The following JAKMIP1 variants were observed in gnomAD, a reference collection of about 807,000 sequenced individuals.
JAKMIP1 encodes the protein janus kinase and microtubule-interacting protein 1.
A neutral mutation model predicts 113.0 loss-of-function variants in JAKMIP1; 33 were observed. The ratio of observed to expected loss-of-function variants is 0.29; its 90% CI spans 0.22 to 0.39. JAKMIP1 has a LOEUF of 0.39. Among genes scored for constraint, JAKMIP1 ranks in the 10% least tolerant of loss-of-function variants. The pLI, the probability that JAKMIP1 is intolerant of heterozygous loss-of-function variation, is 1.00. For missense variants in JAKMIP1, 813 were observed against 1,080.5 expected (o/e 0.75, Z 3.47); for synonymous variants, 480 against 459.9 (o/e 1.04, Z -0.56).
intron 5 of JAKMIP1, among the ~76,000 whole-genome samples, chr4:6,084,642 A>G (rs1167825616): frequency 6.6e-6 from 1 of 152,168 alleles, no homozygotes; most frequent in Non-Finnish European, 1.5e-5. Flanking sequence ...TTGTTTGCTA[A>G]AGATAAGTTC....
rs1717028938 is a variant in JAKMIP1, at chr4:6,059,947, C to T, written c.1644+477G>A. Among the ~76,000 whole-genome samples, 1 of 152,118 alleles carries T rather than the reference C, an allele frequency of 6.6e-6. No individual in the cohort carries two copies. The highest frequency in any genetic ancestry group is 2.1e-4 in the South Asian group (1 of 4,828). On this transcript the variant is annotated intron_variant, in intron 11 of 20. Transcript: ENST00000409021. The surrounding 1 kb of genome is among the most constrained non-coding windows in gnomAD (Gnocchi z 4.8). ...TCAACCAGCCTTGCCTAATCAAATG[C>T]AGTGGATGGGTAGGTGCAGTTGACT...
chr4:6,035,143 C>G (rs983238057), intron 19 of JAKMIP1, among the ~76,000 whole-genome samples: 1 of 152,144 alleles, frequency 6.6e-6, no homozygotes, highest in Non-Finnish European at 1.5e-5. Context: ...CTCTTTCTCT[C>G]TCTCTCTGCC....
In JAKMIP1 at chr4:6,067,067, G is replaced by A. The variant is rs116382592; in HGVS notation, c.1303-2059C>T. 3.1e-3 allele frequency among the ~76,000 whole-genome samples: 472 copies of A among 152,168 alleles called. 4 individuals are homozygous for A. The highest frequency in any genetic ancestry group is 0.011 in the African/African-American group (446 of 41,508). On this transcript the variant is annotated intron_variant, in intron 8 of 20. Coordinates refer to ENST00000409021, the MANE Select transcript of JAKMIP1 (RefSeq NM_001099433.2). The surrounding 1 kb of genome is among the most constrained non-coding windows in gnomAD (Gnocchi z 4.6). Reference sequence around the variant, plus strand: ...CCCAGGTCCCTCCTGCTTCACCCCCGCCCCAGCCTCTGGGGCCTCCTTCTT... The same window carrying A: ...CCCAGGTCCCTCCTGCTTCACCCCCACCCCAGCCTCTGGGGCCTCCTTCTT...
At chr4:6,032,330 C>T (rs1182860695) in intron 19 of JAKMIP1, among the ~76,000 whole-genome samples, 4 of 152,156 alleles carry the variant, frequency 2.6e-5, no homozygotes, top group Non-Finnish European at 5.9e-5. Context: ...TTGATATTCA[C>T]GCTTAGGAAA....
Position 6,150,920 on chromosome 4 carries a change from C to T in JAKMIP1, c.-147-37923G>A, listed in dbSNP as rs1721495017. The stretch of plus-strand genomic sequence containing the variant: ...GCGTTGAGTGTGCCCAGGTGACACA[C>T]ATTTACAACCCCACCAGTGGGTCCC... On this transcript the variant is annotated intron_variant, in intron 1 of 20. Transcript: ENST00000409021. This position sits in a 1 kb window ranked among gnomAD's most constrained non-coding sequence, Gnocchi z 4.8. Among the ~76,000 whole-genome samples the T allele has an allele frequency of 6.6e-6, 1 of 152,170 alleles. No homozygotes were observed. Among genetic ancestry groups the T allele is most frequent in the Non-Finnish European group, 1.5e-5 (1 of 68,034 alleles).
At chr4:6,152,218 C>G (rs1721651650) in intron 1 of JAKMIP1, among the ~76,000 whole-genome samples, 1 of 152,164 alleles carries the variant, frequency 6.6e-6, no homozygotes, top group Admixed American at 6.5e-5. Flanking sequence ...ATCTAACCAG[C>G]AAACGCTGCT....
intron 3 of JAKMIP1, among the ~76,000 whole-genome samples, chr4:6,095,632 G>A (rs986266883): frequency 1.3e-5 from 2 of 152,324 alleles, no homozygotes; most frequent in East Asian, 1.9e-4. Flanking sequence ...AAACGCGGAT[G>A]CAATAGACCA....
intron 1 of JAKMIP1, among the ~76,000 whole-genome samples, chr4:6,169,469 C>T (rs1249020667): frequency 6.6e-6 from 1 of 152,148 alleles, no homozygotes; most frequent in Non-Finnish European, 1.5e-5. Flanking sequence ...GAACGATCCT[C>T]CACTAGAGCT....
At position 6,063,595 on chromosome 4, in the gene JAKMIP1, G is replaced by A. The variant is rs139787990; in HGVS notation, c.1432-1155C>T. On this transcript the variant is annotated intron_variant, in intron 9 of 20. Coordinates refer to ENST00000409021, the MANE Select transcript of JAKMIP1 (RefSeq NM_001099433.2). ...GTGTGAGAAAGGATGTCCAGGGGAC[G>A]ACCTGCAGAGGTGACATGTGTCCCC... is the stretch of plus-strand genomic sequence containing the variant. Among the ~76,000 whole-genome samples, 708 of 152,268 alleles carry A rather than the reference G, an allele frequency of 4.6e-3. 3 individuals carry two copies. The highest frequency in any genetic ancestry group is 0.016 in the African/African-American group (683 of 41,564).
chr4:6,049,709 A>C lies in JAKMIP1; in HGVS notation c.1962+110T>G, dbSNP rs565845694. 9.7e-5 allele frequency: 79 copies of C among 814,608 alleles called. No homozygotes were observed. Among genetic ancestry groups the C allele is most frequent in the Non-Finnish European group, 3.3e-5 (16 of 489,000 alleles). 50.5% of individuals were successfully genotyped at this position (814,608 alleles called of 1,614,324 possible). ...ACAAAAGCCTTACATTGTACTTCTTAGATCTCTTACATCAGAGAGAAATTA... is the reference window on the plus strand; with the variant it reads ...ACAAAAGCCTTACATTGTACTTCTTCGATCTCTTACATCAGAGAGAAATTA... On this transcript the variant is annotated intron_variant, in intron 15 of 20. Transcript: ENST00000409021. This position sits in a 1 kb window ranked among gnomAD's most constrained non-coding sequence, Gnocchi z 7.0.
At chr4:6,090,089 G>C (rs542665257) in intron 3 of JAKMIP1, among the ~76,000 whole-genome samples, 61 of 152,250 alleles carry the variant, frequency 4.0e-4, no homozygotes, top group African/African-American at 1.4e-3. Context: ...AGGTGAGGTG[G>C]TGCATGCCTG....
intron 13 of JAKMIP1, chr4:6,053,724 T>C (rs1395450585): frequency 8.0e-6 from 9 of 1,128,640 alleles, no homozygotes; most frequent in East Asian, 8.0e-5. Context: ...GAAGTAGTTA[T>C]GGAAATGAAA....
Position 6,187,404 on chromosome 4 carries a change from AC to A in JAKMIP1, c.-148+12848del, listed in dbSNP as rs1726768084. On this transcript the variant is annotated intron_variant, in intron 1 of 20. Coordinates refer to ENST00000409021, the MANE Select transcript of JAKMIP1 (RefSeq NM_001099433.2). This position sits in a 1 kb window ranked among gnomAD's most constrained non-coding sequence, Gnocchi z 4.2. The stretch of plus-strand genomic sequence containing the variant: ...TGAATCTAAAGTGTGTCTCCTATAG[AC>A]AGTGCTATGATCTGAATGTTTATGT... Among the ~76,000 whole-genome samples the A allele has an allele frequency of 6.6e-6, 1 of 152,210 alleles. No individual in the cohort carries two copies. The highest frequency in any genetic ancestry group is 2.1e-4 in the South Asian group (1 of 4,824).
chr4:6,109,206 C>T (rs1001263794), intron 2 of JAKMIP1, among the ~76,000 whole-genome samples: 1 of 143,970 alleles, frequency 6.9e-6, no homozygotes, highest in African/African-American at 2.6e-5. Flanking sequence ...GATCTTGGCT[C>T]ACTGCAGGCT....
At chr4:6,189,940 G>T (rs13151333) in intron 1 of JAKMIP1, among the ~76,000 whole-genome samples, 1 of 152,202 alleles carries the variant, frequency 6.6e-6, no homozygotes, top group South Asian at 2.1e-4. Flanking sequence ...TGGCAGGAGA[G>T]GGAGGCAGCG....
intron 1 of JAKMIP1, among the ~76,000 whole-genome samples, chr4:6,169,304 C>A (rs1265017011): frequency 6.6e-6 from 1 of 152,052 alleles, no homozygotes; most frequent in African/African-American, 2.4e-5. Flanking sequence ...CTAGGGTGGG[C>A]CCTTTATTCA....
intron 16 of JAKMIP1, among the ~76,000 whole-genome samples, chr4:6,045,923 C>T (rs1476196775): frequency 1.3e-5 from 2 of 152,068 alleles, no homozygotes; most frequent in Admixed American, 6.5e-5. Context: ...TCCACTTATT[C>T]GGATACCCGT....
At chr4:6,026,531 A>G (rs1711819567) in intron 20 of JAKMIP1, among the ~76,000 whole-genome samples, 1 of 152,108 alleles carries the variant, frequency 6.6e-6, no homozygotes. Flanking sequence ...TAACTCATTC[A>G]GGGGAGATTG....
rs549784448 is a variant in JAKMIP1, at chr4:6,045,431, G to A, written c.2029-3204C>T. ...GAGTGGGGCTGATGGGTGCCAGGACGGATGCCTGTGTCCTGATGACTGGGC... is the reference window on the plus strand; with the variant it reads ...GAGTGGGGCTGATGGGTGCCAGGACAGATGCCTGTGTCCTGATGACTGGGC... On this transcript the variant is annotated intron_variant, in intron 16 of 20. Coordinates refer to ENST00000409021, the MANE Select transcript of JAKMIP1 (RefSeq NM_001099433.2). Among the ~76,000 whole-genome samples, 9 of 152,322 alleles carry A rather than the reference G, an allele frequency of 5.9e-5. No individual in the cohort carries two copies. In the South Asian group the frequency reaches 1.0e-3, roughly 18 times the overall value.
Sources: allele counts gnomAD v4.1 joint callset (sites outside exome capture counted in the v4.1 genomes callset), GRCh38; gene constraint gnomAD v4.1.1; non-coding constraint Gnocchi (gnomAD v3.1); transcripts MANE v1.5; gene names NCBI Gene and HGNC (gene_info 2026-07-23, HGNC 2026-07-21).